TCF7L2: variants seen among roughly 807,000 people sequenced by gnomAD.
TCF7L2 encodes the protein transcription factor 7-like 2.
Under a neutral mutation model 77.9 loss-of-function variants are expected in TCF7L2, and 23 were observed. The ratio of observed to expected loss-of-function variants is 0.30; its 90% CI spans 0.21 to 0.42. The LOEUF is 0.42. Among genes scored for constraint, TCF7L2 ranks in the 10% least tolerant of loss-of-function variants. The probability of loss-of-function intolerance (pLI) is 1.00; values close to 1 mark genes in which losing one functional copy is unlikely to be tolerated. For synonymous variants in TCF7L2, 413 were observed against 340.2 expected, an observed-to-expected ratio of 1.21 and a Z score of -2.36; for missense variants, 654 against 793.1, an observed-to-expected ratio of 0.82 and a Z score of 2.11.
chr10:113,139,129 T>G (rs2136754132), intron 5 of TCF7L2, among the ~76,000 whole-genome samples: 1 of 152,326 alleles, frequency 6.6e-6, no homozygotes, highest in Admixed American at 6.5e-5. Flanking sequence ...CACTTTAAAC[T>G]GTCTGGAGCT....
intron 5 of TCF7L2, among the ~76,000 whole-genome samples, chr10:113,104,435 A>G (rs1186752883): frequency 6.6e-6 from 1 of 152,190 alleles, no homozygotes; most frequent in Non-Finnish European, 1.5e-5. Context: ...TGTCATCTGG[A>G]CACCAGGGAG....
At chr10:113,069,669 C>A (rs2057704495) in intron 5 of TCF7L2, among the ~76,000 whole-genome samples, 1 of 152,188 alleles carries the variant, frequency 6.6e-6, no homozygotes, top group African/African-American at 2.4e-5. Flanking sequence ...ATAGACTAGT[C>A]TGGCCTTCTG....
At chr10:113,056,817 C>T (rs2055458055) in intron 5 of TCF7L2, among the ~76,000 whole-genome samples, 1 of 152,192 alleles carries the variant, frequency 6.6e-6, no homozygotes, top group Non-Finnish European at 1.5e-5. Flanking sequence ...GGAAAAGCGT[C>T]ATCGCCTCAG....
At chr10:113,007,145 T>G (rs1467256307) in intron 4 of TCF7L2, among the ~76,000 whole-genome samples, 1 of 152,210 alleles carries the variant, frequency 6.6e-6, no homozygotes, top group Non-Finnish European at 1.5e-5. Context: ...GATGATTGGA[T>G]GGGGGCACGT....
chr10:112,983,412 T>G (rs147932983), intron 4 of TCF7L2, among the ~76,000 whole-genome samples: 4,375 of 152,068 alleles, frequency 0.029, 105 homozygotes, highest in African/African-American at 0.055. Context: ...GAGGTGGAGC[T>G]TGCAGTGAGC....
intron 13 of TCF7L2, among the ~76,000 whole-genome samples, chr10:113,162,956 G>A (rs1381294418): frequency 6.6e-6 from 1 of 150,666 alleles, no homozygotes; most frequent in Non-Finnish European, 1.5e-5. Context: ...TCCTTTTAAC[G>A]TGGCTATGGC....
Position 113,120,679 on chromosome 10 carries a change from G to A in TCF7L2, c.553-20505G>A, listed in dbSNP as rs1224812019. ...GTGTTATGAAATACTGAGTTGCACCGAGCACAAGAAAATTTACAACAAACT... is the reference window on the plus strand; with the variant it reads ...GTGTTATGAAATACTGAGTTGCACCAAGCACAAGAAAATTTACAACAAACT... On this transcript the variant is annotated intron_variant, in intron 5 of 13. Coordinates refer to ENST00000627217, the MANE Select transcript of TCF7L2 (RefSeq NM_001146274.2). Among the ~76,000 whole-genome samples, 6 of 152,056 alleles carry A rather than the reference G, an allele frequency of 3.9e-5. No homozygotes were observed. The East Asian group carries it at 7.7e-4, about 20-fold the overall frequency.
intron 5 of TCF7L2, among the ~76,000 whole-genome samples, chr10:113,081,230 C>G (rs1443585308): frequency 6.6e-6 from 1 of 152,224 alleles, no homozygotes; most frequent in Non-Finnish European, 1.5e-5. Context: ...GTACACATCA[C>G]AAGTCCTGAT....
chr10:112,961,402 CA>C (rs1489430353), intron 3 of TCF7L2, among the ~76,000 whole-genome samples: 1 of 152,116 alleles, frequency 6.6e-6, no homozygotes, highest in Non-Finnish European at 1.5e-5. Flanking sequence ...CCAAAGCACA[CA>C]AATGGCCTAC....
chr10:112,961,107 G>A (rs1477507964), intron 3 of TCF7L2, among the ~76,000 whole-genome samples: 1 of 149,094 alleles, frequency 6.7e-6, no homozygotes, highest in East Asian at 2.0e-4. Flanking sequence ...TCCCCCTCCC[G>A]GGTTCAAGCG....
chr10:113,079,384 G>A (rs1260292497), intron 5 of TCF7L2, among the ~76,000 whole-genome samples: 2 of 152,160 alleles, frequency 1.3e-5, no homozygotes, highest in East Asian at 1.9e-4. Flanking sequence ...TCCAGCCCGG[G>A]CCAGCAGCTT....
At chr10:113,132,006 GTTAT>G (rs1449759961) in intron 5 of TCF7L2, 1 of 152,246 alleles carries the variant, frequency 6.6e-6, no homozygotes, top group Non-Finnish European at 1.5e-5. Flanking sequence ...TTTCACGCGT[GTTAT>G]TTATTCTGGC....
intron 4 of TCF7L2, among the ~76,000 whole-genome samples, chr10:113,027,011 G>A (rs1358684881): frequency 6.6e-6 from 1 of 152,214 alleles, no homozygotes; most frequent in Non-Finnish European, 1.5e-5. Flanking sequence ...AGAACGAGTT[G>A]GGTTAGAGAG....
At chr10:112,973,966 A>G (rs2134996803) in intron 4 of TCF7L2, among the ~76,000 whole-genome samples, 1 of 152,274 alleles carries the variant, frequency 6.6e-6, no homozygotes, top group South Asian at 2.1e-4. Context: ...AGGCAAGGAA[A>G]CAGGTGCATG....
intron 5 of TCF7L2, among the ~76,000 whole-genome samples, chr10:113,114,452 G>A (rs1486732412): frequency 2.6e-5 from 4 of 152,154 alleles, no homozygotes; most frequent in South Asian, 4.2e-4. Context: ...TCTTGGAGGC[G>A]CCCTTAGTGG....
At chr10:113,080,670 G>A (rs913961160) in intron 5 of TCF7L2, among the ~76,000 whole-genome samples, 3 of 151,994 alleles carry the variant, frequency 2.0e-5, no homozygotes, top group East Asian at 1.9e-4. Flanking sequence ...TTTCAATTTC[G>A]TACATTTTTA....
At chr10:113,150,944 C>A (rs2137122875) in intron 8 of TCF7L2, 54 bp from the exon 9 acceptor site, 1 of 1,611,712 alleles carries the variant, frequency 6.2e-7, no homozygotes, top group South Asian at 1.1e-5. Flanking sequence ...GTACACATCC[C>A]TCCTCATTCA....
intron 5 of TCF7L2, among the ~76,000 whole-genome samples, chr10:113,115,786 C>A (rs1295307297): frequency 6.6e-6 from 1 of 152,062 alleles, no homozygotes; most frequent in East Asian, 1.9e-4. Context: ...CCACAACTAC[C>A]GACCATCCCG....
intron 11 of TCF7L2, 105 bp from the exon 12 acceptor site, chr10:113,157,916 G>A (rs942560257): frequency 6.7e-6 from 8 of 1,187,994 alleles, no homozygotes; most frequent in Non-Finnish European, 9.7e-6. Context: ...GGATGGAGAT[G>A]GCAGTATGGT....
Sources: allele counts gnomAD v4.1 joint callset (sites outside exome capture counted in the v4.1 genomes callset), GRCh38; gene constraint gnomAD v4.1.1; transcripts MANE v1.5; gene names NCBI Gene and HGNC (gene_info 2026-07-23, HGNC 2026-07-21).